The following COBL variants were observed in gnomAD, a reference collection of about 807,000 sequenced individuals.
The protein encoded by COBL is protein cordon-bleu.
COBL carries 51 observed loss-of-function variants against 98.8 expected under a neutral mutation model. The observed-to-expected ratio is 0.52, with a 90% CI of 0.41 to 0.65. COBL has a LOEUF of 0.65. Among genes scored for constraint, COBL ranks in the 30% least tolerant of loss-of-function variants. The pLI is 0.00. For missense variants in COBL, 1,617 were observed against 1,617.5 expected, an observed-to-expected ratio of 1.00 and a Z score of 0.01; for synonymous variants, 634 against 651.7, an observed-to-expected ratio of 0.97 and a Z score of 0.41.
chr7:51,159,939 C>A (rs1786617330), intron 5 of COBL, among the ~76,000 whole-genome samples: 1 of 152,212 alleles, frequency 6.6e-6, no homozygotes, highest in Non-Finnish European at 1.5e-5. Context: ...GTTGCCCAGG[C>A]TGGAGTGCAA....
intron 2 of COBL, among the ~76,000 whole-genome samples, chr7:51,205,119 A>C (rs973289760): frequency 6.6e-6 from 1 of 152,218 alleles, no homozygotes; most frequent in Non-Finnish European, 1.5e-5. Context: ...TGCAATCCCT[A>C]TCAAAATCCC....
chr7:51,269,724 T>C (rs1208287753), intron 1 of COBL, among the ~76,000 whole-genome samples: 1 of 152,262 alleles, frequency 6.6e-6, no homozygotes, highest in East Asian at 1.9e-4. Context: ...AAAGGGAAAC[T>C]GCTTTTCTAG....
chr7:51,153,855 A>C (rs1488544942), intron 5 of COBL, among the ~76,000 whole-genome samples: 1 of 152,186 alleles, frequency 6.6e-6, no homozygotes, highest in African/African-American at 2.4e-5. Flanking sequence ...TTTATTTCCC[A>C]GACTCCTTTG....
chr7:51,108,825 T>C (rs1796552268), intron 6 of COBL, among the ~76,000 whole-genome samples: 1 of 152,072 alleles, frequency 6.6e-6, no homozygotes, highest in African/African-American at 2.4e-5. Context: ...CCCTGAGCTC[T>C]TGTATAGCTC....
intron 8 of COBL, chr7:51,035,306 C>T (rs549774141): frequency 4.6e-5 from 7 of 151,652 alleles, no homozygotes; most frequent in Admixed American, 1.3e-4. Context: ...AAGATGGGTT[C>T]ATAGCACATG....
intron 1 of COBL, among the ~76,000 whole-genome samples, chr7:51,302,096 G>A (rs924470645): frequency 6.6e-6 from 1 of 152,076 alleles, no homozygotes; most frequent in Non-Finnish European, 1.5e-5. Context: ...CCCCATCCTA[G>A]GAGGTGCTTA....
At chr7:51,109,538 C>CT (rs1796639756) in intron 6 of COBL, among the ~76,000 whole-genome samples, 1 of 152,116 alleles carries the variant, frequency 6.6e-6, no homozygotes, top group East Asian at 1.9e-4. Context: ...CTGGCTACCC[C>CT]TGCTTTTATT....
At chr7:51,047,725 G>A (rs575004688) in intron 7 of COBL, among the ~76,000 whole-genome samples, 1 of 152,052 alleles carries the variant, frequency 6.6e-6, no homozygotes, top group Non-Finnish European at 1.5e-5. Context: ...TGGGTCCCAC[G>A]GCCACTCACA....
At position 51,043,367 on chromosome 7, in the gene COBL, C is replaced by A. The variant is rs776365771; in HGVS notation, c.1406+16G>T. 1 of 1,611,512 alleles carries A rather than the reference C, an allele frequency of 6.2e-7. No individual in the cohort carries two copies. Among genetic ancestry groups the A allele is most frequent in the Non-Finnish European group, 8.5e-7 (1 of 1,178,396 alleles). On this transcript the variant is annotated intron_variant, in intron 8 of 12. Coordinates refer to ENST00000265136, the MANE Select transcript of COBL (RefSeq NM_015198.5). ...GGCTGTGACTTCCGTACCCACCCAT[C>A]CTTCCCGTGACTCACCTCAGATGTG...
chr7:51,307,780 A>G (rs1802627976), intron 1 of COBL, among the ~76,000 whole-genome samples: 1 of 152,232 alleles, frequency 6.6e-6, no homozygotes, highest in Non-Finnish European at 1.5e-5. Flanking sequence ...AACCAATCAA[A>G]TATTTCTGAG....
intron 7 of COBL, among the ~76,000 whole-genome samples, chr7:51,057,100 T>C (rs2128905188): frequency 6.6e-6 from 1 of 152,284 alleles, no homozygotes; most frequent in African/African-American, 2.4e-5. Flanking sequence ...TTAGCAGTGG[T>C]CTTGGTTCTC....
Position 51,316,355 on chromosome 7 carries a change from C to G in COBL, c.41+238G>C, listed in dbSNP as rs1436767573. 1.6e-5 allele frequency: 5 copies of G among 317,816 alleles called. No homozygotes were observed. The East Asian group carries it at 2.6e-4, about 16-fold the overall frequency. The allele number at this position is 317,816 out of a possible 1,614,324, so 19.7% of individuals were successfully genotyped here. A position where few individuals can be genotyped will look rare whatever the true frequency, so the allele number is the denominator to read the frequency against. On this transcript the variant is annotated intron_variant, in intron 1 of 12. Coordinates refer to ENST00000265136, the MANE Select transcript of COBL (RefSeq NM_015198.5). ...AACCACCCCGCGCGAAAAGTGCGCT[C>G]CGGCCCCGGCCCGACACGGTTACCT...
chr7:51,026,024 G>T (rs942776445), intron 11 of COBL, among the ~76,000 whole-genome samples: 1 of 152,154 alleles, frequency 6.6e-6, no homozygotes, highest in African/African-American at 2.4e-5. Context: ...CATTACTGGG[G>T]GCAAGACATG....
In COBL at chr7:51,218,120, C is replaced by G. The variant is rs563486347; in HGVS notation, c.245+1621G>C. Among the ~76,000 whole-genome samples the G allele has an allele frequency of 6.6e-5, 10 of 152,342 alleles. No homozygotes were observed. The South Asian group carries it at 2.1e-3, about 32-fold the overall frequency. ...ACCTGGTGCAGCTGAAATACTGTAT[C>G]CCATGACTCAACAGTTCCAATCCTA... On this transcript the variant is annotated intron_variant, in intron 2 of 12. Transcript: ENST00000265136.
At chr7:51,187,399 T>C (rs1329911699) in intron 4 of COBL, among the ~76,000 whole-genome samples, 1 of 152,008 alleles carries the variant, frequency 6.6e-6, no homozygotes, top group Non-Finnish European at 1.5e-5. Context: ...CATCTCTTTC[T>C]GTATAGAAAT....
chr7:51,066,312 G>A (rs2128917429), intron 7 of COBL, among the ~76,000 whole-genome samples: 1 of 152,234 alleles, frequency 6.6e-6, no homozygotes, highest in South Asian at 2.1e-4. Context: ...CTCCCATAAA[G>A]CTCAAACAGC....
chr7:51,089,617 T>C (rs10268464), intron 6 of COBL, among the ~76,000 whole-genome samples: 58,535 of 151,884 alleles, frequency 0.39, 11,761 homozygotes, highest in African/African-American at 0.51. Flanking sequence ...GAAGTAATAC[T>C]TTTTTTTAGT....
At chr7:51,161,823 T>C (rs1035011555) in intron 5 of COBL, among the ~76,000 whole-genome samples, 6 of 151,214 alleles carry the variant, frequency 4.0e-5, no homozygotes, top group African/African-American at 1.2e-4. Context: ...CTTTCAAAAG[T>C]TCATTCTTCA....
intron 1 of COBL, among the ~76,000 whole-genome samples, chr7:51,280,720 C>T (rs913910577): frequency 1.3e-5 from 2 of 152,182 alleles, no homozygotes; most frequent in African/African-American, 4.8e-5. Flanking sequence ...AAACTGCACA[C>T]GTATGGATCT....
Sources: gnomAD v4.1 joint callset for allele counts (sites outside exome capture counted in the v4.1 genomes callset) on GRCh38, gnomAD v4.1.1 for gene constraint, MANE v1.5 for transcripts, NCBI Gene and HGNC (gene_info 2026-07-23, HGNC 2026-07-21) for gene names.